Variants in CSMD1 observed in about 807,000 individuals in gnomAD.
The protein encoded by CSMD1 is CUB and Sushi multiple domains 1.
In CSMD1, 213 loss-of-function variants were observed where a neutral mutation model predicts 417.5. The ratio of observed to expected loss-of-function variants is 0.51; its 90% confidence interval spans 0.46 to 0.57. The LOEUF (loss-of-function observed/expected upper bound fraction) is 0.57. Ranked by LOEUF, CSMD1 falls within the 20% of genes least tolerant of loss-of-function variation. The pLI, the probability that CSMD1 is intolerant of heterozygous loss-of-function variation, is 0.00. For synonymous variants in CSMD1, 2,862 were observed against 1,736.8 expected (o/e 1.65, Z -16.11); for missense variants, 6,923 against 4,529.7 (o/e 1.53, Z -15.17).
intron 3 of CSMD1, among the ~76,000 whole-genome samples, chr8:4,316,045 T>A (rs1798908407): frequency 6.6e-6 from 1 of 152,118 alleles, no homozygotes; most frequent in Non-Finnish European, 1.5e-5. Flanking sequence ...AATATCCCAC[T>A]GAGAAATATA....
intron 3 of CSMD1, among the ~76,000 whole-genome samples, chr8:4,139,654 G>A (rs1294067634): frequency 6.6e-6 from 1 of 151,152 alleles, no homozygotes; most frequent in Non-Finnish European, 1.5e-5. Context: ...AGATGCAAGG[G>A]CAAAGGGATG....
intron 26 of CSMD1, among the ~76,000 whole-genome samples, chr8:3,258,306 AAAG>A (rs1452251515): frequency 2.0e-5 from 3 of 152,218 alleles, no homozygotes; most frequent in Non-Finnish European, 4.4e-5. Flanking sequence ...ACACTTTTTA[AAAG>A]AAGACATACA....
intron 3 of CSMD1, among the ~76,000 whole-genome samples, chr8:4,208,616 G>C (rs1415162218): frequency 1.3e-5 from 2 of 151,908 alleles, no homozygotes; most frequent in African/African-American, 2.4e-5. Context: ...AATGAATATA[G>C]AGTCATAAAA....
chr8:3,732,108 G>A (rs998380681), intron 6 of CSMD1, among the ~76,000 whole-genome samples: 1 of 152,140 alleles, frequency 6.6e-6, no homozygotes, highest in Non-Finnish European at 1.5e-5. Context: ...GGGAAAGGAG[G>A]GCCTTGGAGG....
intron 3 of CSMD1, among the ~76,000 whole-genome samples, chr8:4,361,385 G>A (rs1801750414): frequency 7.8e-6 from 1 of 127,726 alleles, no homozygotes; most frequent in African/African-American, 3.7e-5. Context: ...GTAGCCTCAT[G>A]AAGGGCTAAC....
chr8:4,478,983 G>A (rs1303673854), intron 2 of CSMD1, among the ~76,000 whole-genome samples: 1 of 152,030 alleles, frequency 6.6e-6, no homozygotes, highest in Non-Finnish European at 1.5e-5. Context: ...CCCCCAAAAG[G>A]AACGATAATT....
intron 51 of CSMD1, among the ~76,000 whole-genome samples, chr8:3,019,530 G>C (rs141156972): frequency 6.6e-5 from 10 of 152,232 alleles, no homozygotes; most frequent in African/African-American, 2.4e-4. Flanking sequence ...TTAGTTACTT[G>C]CATAATTTGT....
intron 1 of CSMD1, among the ~76,000 whole-genome samples, chr8:4,687,954 T>G (rs1806498237): frequency 6.6e-6 from 1 of 152,214 alleles, no homozygotes; most frequent in South Asian, 2.1e-4. Flanking sequence ...CCTAGACATT[T>G]AACTCTATCT....
intron 5 of CSMD1, among the ~76,000 whole-genome samples, chr8:3,973,270 A>G (rs535568483): frequency 1.3e-5 from 2 of 152,262 alleles, no homozygotes; most frequent in South Asian, 2.1e-4. Context: ...CTTGGTCATG[A>G]GCCTCTTTAG....
chr8:3,033,221 C>T (rs1462739683), intron 50 of CSMD1, among the ~76,000 whole-genome samples: 1 of 152,054 alleles, frequency 6.6e-6, no homozygotes, highest in Non-Finnish European at 1.5e-5. Context: ...ACAGTGAAAA[C>T]ATTCTCTTTG....
intron 22 of CSMD1, among the ~76,000 whole-genome samples, chr8:3,346,225 G>C (rs951247792): frequency 6.6e-6 from 1 of 151,950 alleles, no homozygotes; most frequent in African/African-American, 2.4e-5. Flanking sequence ...ACAACTTTTT[G>C]TTATAATCAA....
At chr8:3,213,826 C>A (rs543397816) in intron 30 of CSMD1, among the ~76,000 whole-genome samples, 1 of 146,846 alleles carries the variant, frequency 6.8e-6, no homozygotes, top group Non-Finnish European at 1.5e-5. Context: ...ATATGTGTGT[C>A]TGTGTATGTG....
At chr8:4,721,592 C>T (rs1286712585) in intron 1 of CSMD1, among the ~76,000 whole-genome samples, 2 of 152,130 alleles carry the variant, frequency 1.3e-5, no homozygotes, top group Non-Finnish European at 2.9e-5. Flanking sequence ...AAATGAACTG[C>T]TGTGCACTGT....
At chr8:4,099,047 G>A (rs1801167615) in intron 3 of CSMD1, among the ~76,000 whole-genome samples, 1 of 152,218 alleles carries the variant, frequency 6.6e-6, no homozygotes, top group African/African-American at 2.4e-5. Context: ...GGATGCATGT[G>A]ACACATCTGT....
intron 3 of CSMD1, among the ~76,000 whole-genome samples, chr8:4,335,982 G>T (rs1227126519): frequency 6.6e-6 from 1 of 152,122 alleles, no homozygotes; most frequent in Non-Finnish European, 1.5e-5. Context: ...AGACTATAGG[G>T]TCAGCCCCGC....
At chr8:3,995,328 T>C (rs2627504) in intron 5 of CSMD1, among the ~76,000 whole-genome samples, 123,203 of 151,928 alleles carry the variant, frequency 0.81, 50,034 homozygotes, top group East Asian at 0.85. Context: ...GTGGCTGTGT[T>C]AAGATACTTC....
intron 1 of CSMD1, among the ~76,000 whole-genome samples, chr8:4,951,233 ACTGT>A (rs1808725241): frequency 6.6e-6 from 1 of 151,968 alleles, no homozygotes; most frequent in South Asian, 2.1e-4. Flanking sequence ...CCACAAAGAA[ACTGT>A]CTCTTTCCTG....
chr8:3,175,507 GCCTTTTTT>G (rs1484130113), intron 37 of CSMD1, among the ~76,000 whole-genome samples: 22 of 125,914 alleles, frequency 1.7e-4, no homozygotes, highest in South Asian at 9.2e-4. Context: ...CTGCCTGCCT[GCCTTTTTT>G]CCTTCCTTCC....
chr8:4,699,837 A>T (rs1563168717), intron 1 of CSMD1, among the ~76,000 whole-genome samples: 1 of 152,230 alleles, frequency 6.6e-6, no homozygotes, highest in Non-Finnish European at 1.5e-5. Context: ...CAGAGAGTAC[A>T]AGTGAGATTG....
Sources: allele counts gnomAD v4.1 joint callset (sites outside exome capture counted in the v4.1 genomes callset), GRCh38; gene constraint gnomAD v4.1.1; transcripts MANE v1.5; gene names NCBI Gene and HGNC (gene_info 2026-07-23, HGNC 2026-07-21).